Variants in SPAG16 observed in about 807,000 individuals in gnomAD.
The protein encoded by SPAG16 is sperm-associated antigen 16 protein.
In SPAG16, 86 loss-of-function variants were observed where a neutral mutation model predicts 80.4. The observed-to-expected ratio is 1.07, with a 90% CI of 0.90 to 1.28. SPAG16 has a LOEUF of 1.28. SPAG16 is among the 50% of genes most tolerant of loss of function. The pLI, the probability that SPAG16 is intolerant of heterozygous loss-of-function variation, is 0.00. For missense variants in SPAG16, 870 were observed against 765.3 expected (o/e 1.14, Z -1.61); for synonymous variants, 294 against 265.9 (o/e 1.11, Z -1.03).
chr2:214,040,942 T>A (rs2048971101), intron 13 of SPAG16, among the ~76,000 whole-genome samples: 1 of 152,112 alleles, frequency 6.6e-6, no homozygotes. Context: ...TTCCATTATT[T>A]TACTTATATT....
chr2:213,608,715 G>A lies in SPAG16; in HGVS notation c.1070+118625G>A, dbSNP rs151326024. Reference sequence around the variant, plus strand: ...GTAATGGGATGGGAGGTGGAGTCTCGCTCTGTCCCCCCAGGCTGGAGTGCA... The same window carrying A: ...GTAATGGGATGGGAGGTGGAGTCTCACTCTGTCCCCCCAGGCTGGAGTGCA... On this transcript the variant is annotated intron_variant, in intron 10 of 15. Coordinates refer to ENST00000331683, the MANE Select transcript of SPAG16 (RefSeq NM_024532.5). Among the ~76,000 whole-genome samples, 18 of 152,298 alleles carry A rather than the reference G, an allele frequency of 1.2e-4. No individual in the cohort carries two copies. In the East Asian group the frequency reaches 2.5e-3, roughly 21 times the overall value.
At chr2:213,456,977 G>A (rs1357197549) in intron 9 of SPAG16, among the ~76,000 whole-genome samples, 1 of 151,132 alleles carries the variant, frequency 6.6e-6, no homozygotes, top group Non-Finnish European at 1.5e-5. Flanking sequence ...TTTGAGTTAT[G>A]TGTCCTTCAT....
At chr2:213,478,951 G>A (rs1302906046) in intron 9 of SPAG16, among the ~76,000 whole-genome samples, 1 of 152,016 alleles carries the variant, frequency 6.6e-6, no homozygotes, top group Non-Finnish European at 1.5e-5. Context: ...GTCCATAGAT[G>A]CATTTTGTTT....
chr2:214,105,713 T>A (rs1053747113), intron 13 of SPAG16, among the ~76,000 whole-genome samples: 2 of 152,174 alleles, frequency 1.3e-5, no homozygotes, highest in East Asian at 3.8e-4. Flanking sequence ...CTGACAAGAA[T>A]TCATCAAAGA....
chr2:213,726,998 GCATT>G (rs2066797866), intron 10 of SPAG16, among the ~76,000 whole-genome samples: 1 of 152,118 alleles, frequency 6.6e-6, no homozygotes, highest in South Asian at 2.1e-4. Flanking sequence ...AAATTCTTAT[GCATT>G]CAATCTTGAT....
intron 14 of SPAG16, among the ~76,000 whole-genome samples, chr2:214,122,415 CT>C (rs757153700): frequency 6.6e-6 from 1 of 151,686 alleles, no homozygotes; most frequent in African/African-American, 2.4e-5. Flanking sequence ...TTCACATTAC[CT>C]TTTTAAAAAA....
At chr2:213,399,332 T>G (rs1426434075) in intron 9 of SPAG16, among the ~76,000 whole-genome samples, 2 of 152,068 alleles carry the variant, frequency 1.3e-5, no homozygotes, top group African/African-American at 2.4e-5. Flanking sequence ...CATGAGTATA[T>G]TAATTTTTTT....
At chr2:213,611,329 G>A (rs1214135422) in intron 10 of SPAG16, among the ~76,000 whole-genome samples, 1 of 152,170 alleles carries the variant, frequency 6.6e-6, no homozygotes, top group Admixed American at 6.6e-5. Context: ...CATTGATTAA[G>A]TTGACAGTCC....
intron 11 of SPAG16, among the ~76,000 whole-genome samples, chr2:213,869,272 T>TATATAC (rs1553648770): frequency 1.0e-5 from 1 of 96,822 alleles, no homozygotes; most frequent in Non-Finnish European, 2.4e-5. Flanking sequence ...AAAATATATA[T>TATATAC]ATATATATGT....
At chr2:213,850,310 C>A (rs1211448714) in intron 10 of SPAG16, among the ~76,000 whole-genome samples, 2 of 152,168 alleles carry the variant, frequency 1.3e-5, no homozygotes, top group Non-Finnish European at 2.9e-5. Context: ...ACTACTATAA[C>A]AAAGGCATGT....
intron 10 of SPAG16, among the ~76,000 whole-genome samples, chr2:213,589,079 AAGTAT>A (rs1332850653): frequency 1.3e-5 from 2 of 152,138 alleles, no homozygotes; most frequent in African/African-American, 4.8e-5. Flanking sequence ...CATAAGCAAA[AAGTAT>A]AGTAAACTGT....
chr2:214,095,648 T>C (rs1213933268), intron 13 of SPAG16, among the ~76,000 whole-genome samples: 1 of 152,014 alleles, frequency 6.6e-6, no homozygotes, highest in Non-Finnish European at 1.5e-5. Context: ...ATTCATGTAT[T>C]ATAGAAAAAA....
intron 6 of SPAG16, among the ~76,000 whole-genome samples, chr2:213,341,276 G>A (rs1454608262): frequency 1.3e-5 from 2 of 152,046 alleles, no homozygotes; most frequent in South Asian, 2.1e-4. Context: ...ACAAAACTGG[G>A]TATCAAGTTA....
chr2:213,925,106 C>A (rs1362003771), intron 11 of SPAG16, among the ~76,000 whole-genome samples: 1 of 149,666 alleles, frequency 6.7e-6, no homozygotes, highest in African/African-American at 2.5e-5. Flanking sequence ...CTTAATAGCA[C>A]ATGAACTTTA....
intron 15 of SPAG16, among the ~76,000 whole-genome samples, chr2:214,232,663 T>C (rs1688785086): frequency 6.6e-6 from 1 of 152,032 alleles, no homozygotes. Context: ...CAGTAGTTCA[T>C]TTTAAATTTC....
At chr2:214,149,349 G>A (rs2125568423) in intron 15 of SPAG16, 83 bp downstream of exon 15, 1 of 1,255,914 alleles carries the variant, frequency 8.0e-7, no homozygotes. Flanking sequence ...CTCCTTAAAT[G>A]TATGTATTTC....
At chr2:214,275,263 AT>A (rs1356499532) in intron 15 of SPAG16, among the ~76,000 whole-genome samples, 1 of 152,032 alleles carries the variant, frequency 6.6e-6, no homozygotes, top group Admixed American at 6.6e-5. Context: ...AGATTCATTA[AT>A]TTTTTGAAGG....
intron 6 of SPAG16, among the ~76,000 whole-genome samples, chr2:213,349,559 A>G (rs2065208912): frequency 6.6e-6 from 1 of 152,176 alleles, no homozygotes; most frequent in Non-Finnish European, 1.5e-5. Flanking sequence ...AAATAAATGA[A>G]GATATATGAC....
At chr2:213,476,546 G>T (rs1452821822) in intron 9 of SPAG16, among the ~76,000 whole-genome samples, 3 of 152,188 alleles carry the variant, frequency 2.0e-5, no homozygotes, top group African/African-American at 7.2e-5. Context: ...ATCTGTTTTT[G>T]TAAAAAATCT....
Sources: gnomAD v4.1 joint callset for allele counts (sites outside exome capture counted in the v4.1 genomes callset) on GRCh38, gnomAD v4.1.1 for gene constraint, MANE v1.5 for transcripts, NCBI Gene and HGNC (gene_info 2026-07-23, HGNC 2026-07-21) for gene names.